Variants in PLXNB3 observed in about 807,000 individuals in gnomAD.
The protein encoded by PLXNB3 is plexin B3.
PLXNB3 carries 80 observed loss-of-function variants against 125.7 expected under a neutral mutation model. The ratio of observed to expected loss-of-function variants is 0.64; its 90% CI spans 0.53 to 0.77. PLXNB3 has a LOEUF of 0.77. PLXNB3 is among the 30% of genes least tolerant of loss of function. The pLI is 0.00. For missense variants in PLXNB3, 1,836 were observed against 1,729.3 expected (o/e 1.06, Z -1.09); for synonymous variants, 954 against 783.3 (o/e 1.22, Z -3.64).
In PLXNB3 at chrX:153,765,482, C is replaced by T. The variant is rs782109258; in HGVS notation, c.-54C>T. ...TCCCTCCCACTCAGGACAATGCCCC[C>T]CCGCAGCCATCTCATGCCCATCGCC... On this transcript the variant is annotated 5_prime_UTR_variant, in exon 2 of 36. Transcript: ENST00000361971. 796 of 1,157,011 alleles carry T rather than the reference C, an allele frequency of 6.9e-4. No individual in the cohort carries two copies. The highest frequency in any genetic ancestry group is 8.6e-4 in the Non-Finnish European group (742 of 862,642).
intron 30 of PLXNB3, 56 bp downstream of exon 30, chrX:153,777,436 C>G: frequency 2.5e-6 from 3 of 1,178,318 alleles, no homozygotes; most frequent in South Asian, 3.7e-5. Flanking sequence ...GGACCCCGAC[C>G]GAGCCAGGGT....
intron 6 of PLXNB3, among the ~76,000 whole-genome samples, 180 bp downstream of exon 6, chrX:153,769,442 C>T (rs141945308): frequency 2.2e-3 from 248 of 112,378 alleles, no homozygotes; most frequent in Non-Finnish European, 3.7e-3. Flanking sequence ...GTTGGCACCC[C>T]CCTTTTCCGA....
rs1445610868 is a variant in PLXNB3 at position 153,771,414 on chromosome X, G to C, written c.2347+11G>C. On this transcript the variant is annotated intron_variant, in intron 13 of 35. Coordinates refer to ENST00000361971, the MANE Select transcript of PLXNB3 (RefSeq NM_005393.3). ...CCCATGCTCTTTATGGTGAGCCTGA[G>C]GGCAGCCAGGCAGGCGGGGCAGGGT... is the stretch of plus-strand genomic sequence containing the variant. 1 of 1,205,372 alleles carries C rather than the reference G, an allele frequency of 8.3e-7. No individual in the cohort carries two copies. Among genetic ancestry groups the C allele is most frequent in the African/African-American group, 1.7e-5 (1 of 57,382 alleles).
At chrX:153,769,404 T>C in intron 6 of PLXNB3, 142 bp downstream of exon 6, 1 of 485,953 alleles carries the variant, frequency 2.1e-6, no homozygotes. Flanking sequence ...TCACCCATCC[T>C]GCCCCATCTC....
chrX:153,773,953 C>A lies in PLXNB3; in HGVS notation c.3374C>A (p.Thr1125Asn). 8.3e-7 allele frequency: 1 copy of A among 1,210,896 alleles called. No homozygotes were observed. The highest frequency in any genetic ancestry group is 1.1e-6 in the Non-Finnish European group (1 of 895,234). Residue 1125 changes from threonine (T) to asparagine (N), a missense_variant, in exon 20 of 36, where the codon ACC (threonine) becomes AAC (asparagine). By Grantham distance (65) the Thr-to-Asn change is moderately conservative (BLOSUM62 0). Coordinates refer to ENST00000361971, the MANE Select transcript of PLXNB3 (RefSeq NM_005393.3). ...DRAHPQRVFF[T>N]LDNVQVDFAS... Reference sequence around the variant, plus strand: ...GCCCACCCGCAGCGGGTCTTCTTCACCCTAGACAACGTGCAAGTGGACTTC... The same window carrying A: ...GCCCACCCGCAGCGGGTCTTCTTCAACCTAGACAACGTGCAAGTGGACTTC...
Position 153,775,917 on chromosome X carries a change from T to C in PLXNB3, c.4432T>C (p.Phe1478Leu), listed in dbSNP as rs781997851. Residue 1478 changes from phenylalanine (F) to leucine (L), a missense_variant, in exon 27 of 36, where the codon TTC becomes CTC. Phe to Leu is a conservative substitution (Grantham distance 22). Transcript: ENST00000361971. ...GGCTGGTGAACCACTGTACATGCTCTTCCGGGCCATCCAGTACCAGGTGGA... is the reference window on the plus strand; with the variant it reads ...GGCTGGTGAACCACTGTACATGCTCCTCCGGGCCATCCAGTACCAGGTGGA... The part of the protein sequence containing the change: ...EVAGEPLYML[F>L]RAIQYQVDKG... 8.3e-7 allele frequency: 1 copy of C among 1,210,767 alleles called. No homozygotes were observed. The highest frequency in any genetic ancestry group is 1.1e-6 in the Non-Finnish European group (1 of 895,209).
chrX:153,771,673 C>T lies in PLXNB3; in HGVS notation c.2517+18C>T, dbSNP rs781939037. ...TTGATGCAGTGAGTCTCCTGCCGGG[C>T]CCCCACAGCCCAGTGGCCCACTTCT... On this transcript the variant is annotated intron_variant, in intron 14 of 35. Coordinates refer to ENST00000361971, the MANE Select transcript of PLXNB3 (RefSeq NM_005393.3). The T allele has an allele frequency of 2.0e-5, 23 of 1,163,562 alleles. No individual in the cohort carries two copies. In the African/African-American group the frequency reaches 2.6e-4, roughly 13 times the overall value.
At position 153,779,008 on chromosome X, in the gene PLXNB3, C is replaced by T. The variant is rs782194744; in HGVS notation, c.5699C>T (p.Ala1900Val). The change falls in exon 36 of 36, where the codon GCC becomes GTC. Residue 1900 changes from alanine to valine, a missense_variant. By Grantham distance (64) the Ala-to-Val change is moderately conservative. Transcript: ENST00000361971. ...QLACRLQQVA[A>V]LVENKVTDL is the part of the protein sequence containing the mutation. ...GCCTGCCGCCTGCAGCAGGTCGCCG[C>T]CCTGGTGGAAAACAAAGTGACTGAC... The T allele has an allele frequency of 5.0e-6, 6 of 1,195,732 alleles. No homozygotes were observed. Among genetic ancestry groups the T allele is most frequent in the Admixed American group, 2.3e-5 (1 of 44,051 alleles).
At position 153,773,905 on chromosome X, in the gene PLXNB3, G is replaced by C. The variant is rs145360535; in HGVS notation, c.3326G>C (p.Arg1109Pro). The C allele has an allele frequency of 6.6e-6, 8 of 1,209,945 alleles. No individual in the cohort carries two copies. The East Asian group carries it at 1.2e-4, about 18-fold the overall frequency. Residue 1109 changes from arginine (R) to proline (P), a missense_variant, in exon 20 of 36, where the codon CGG becomes CCG. Physicochemically the swap from Arg to Pro is moderately radical, Grantham distance 103. Transcript: ENST00000361971. The part of the protein sequence containing the change: ...SVNSSSLLLC[R>P]SPAVPDRAHP... ...AACTCGTCCAGCCTCCTCCTGTGCC[G>C]GAGCCCTGCTGTACCAGACAGAGCC... is the stretch of plus-strand genomic sequence containing the variant.
rs782674181 is a variant in PLXNB3, at chrX:153,767,454, C to T, written c.627C>T (p.Ala209=). 19 of 1,191,609 alleles carry T rather than the reference C, an allele frequency of 1.6e-5. No individual in the cohort carries two copies. Among genetic ancestry groups the T allele is most frequent in the Middle Eastern group, 2.3e-4 (1 of 4,271 alleles). The part of the protein sequence containing the change: ...GVPPLAIRQL[A]GSQPFSSEGL... Reference sequence around the variant, plus strand: ...CACCCCTGGCCATCCGCCAGCTGGCCGGGTCTCAGCCCTTCTCCAGCGAGG... The same window carrying T: ...CACCCCTGGCCATCCGCCAGCTGGCTGGGTCTCAGCCCTTCTCCAGCGAGG... Residue 209 remains alanine (A), a synonymous_variant, in exon 3 of 36, where the codon GCC becomes GCT. Coordinates refer to ENST00000361971, the MANE Select transcript of PLXNB3 (RefSeq NM_005393.3).
At chrX:153,765,106 G>A (rs985766051) in intron 1 of PLXNB3, among the ~76,000 whole-genome samples, 4 of 113,225 alleles carry the variant, frequency 3.5e-5, no homozygotes, top group Non-Finnish European at 7.5e-5. Context: ...GAGCCAGGGA[G>A]GGGCATGCTT....
In PLXNB3 at chrX:153,775,696, G is replaced by C. The variant is rs782176657; in HGVS notation, c.4401+36G>C. The C allele has an allele frequency of 2.1e-4, 245 of 1,170,278 alleles. 2 individuals are homozygous for C. Among genetic ancestry groups the C allele is most frequent in the Non-Finnish European group, 9.1e-5 (78 of 861,172 alleles). On this transcript the variant is annotated intron_variant, in intron 26 of 35. Coordinates refer to ENST00000361971, the MANE Select transcript of PLXNB3 (RefSeq NM_005393.3). ...CTGTCCCGCCTGCTCCCAGCCCTGAGTGGCAGACTCCTCCCCTCTTGCCAT... is the reference window on the plus strand; with the variant it reads ...CTGTCCCGCCTGCTCCCAGCCCTGACTGGCAGACTCCTCCCCTCTTGCCAT...
chrX:153,772,711 G>A, intron 16 of PLXNB3, 175 bp from the exon 17 acceptor site: 1 of 1,028,578 alleles, frequency 9.7e-7, no homozygotes, highest in Non-Finnish European at 1.2e-6. Flanking sequence ...GTGGGTGGGA[G>A]GAAGCTGGCC....
intron 4 of PLXNB3, 76 bp from the exon 5 acceptor site, chrX:153,768,872 C>G (rs912097396): frequency 6.3e-6 from 7 of 1,116,177 alleles, no homozygotes; most frequent in South Asian, 4.2e-5. Flanking sequence ...GGAGCCCCCA[C>G]TAGGAGGAGG....
intron 2 of PLXNB3, 127 bp from the exon 3 acceptor site, chrX:153,766,746 T>C: frequency 9.4e-7 from 1 of 1,066,213 alleles, no homozygotes; most frequent in Non-Finnish European, 1.2e-6. Context: ...TCTCTCATTC[T>C]CCATCTCTCT....
At position 153,767,277 on chromosome X, in the gene PLXNB3, G is replaced by C. The variant is rs371848444; in HGVS notation, c.450G>C (p.Glu150Asp). The C allele has an allele frequency of 3.3e-6, 4 of 1,206,747 alleles. No individual in the cohort carries two copies. The highest frequency in any genetic ancestry group is 2.3e-4 in the Middle Eastern group (1 of 4,345). The change falls in exon 3 of 36, where the codon GAG (glutamate) becomes GAC (aspartate). Residue 150 changes from glutamate to aspartate, a missense_variant. Glu to Asp is a conservative substitution (Grantham distance 45). Coordinates refer to ENST00000361971, the MANE Select transcript of PLXNB3 (RefSeq NM_005393.3). ...CACGGCGCCTTGGGGATGTGGCCGA[G>C]GTGCTGTACCAGGCTGAGGACCCTG... Reference protein sequence around the residue: ...CETRRLGDVAEVLYQAEDPGD... With the variant: ...CETRRLGDVADVLYQAEDPGD...
Position 153,771,087 on chromosome X carries a change from T to G in PLXNB3, c.2253+6T>G. ...TCCACTGCCAGGCCCACCAGGTGAGTGGCTGCCTTCCAAACCCTCTTGCCC... is the reference window on the plus strand; with the variant it reads ...TCCACTGCCAGGCCCACCAGGTGAGGGGCTGCCTTCCAAACCCTCTTGCCC... On this transcript the variant is annotated splice_donor_region_variant and intron_variant, in intron 12 of 35. Transcript: ENST00000361971. 1 of 1,186,475 alleles carries G rather than the reference T, an allele frequency of 8.4e-7. No individual in the cohort carries two copies. Among genetic ancestry groups the G allele is most frequent in the Non-Finnish European group, 1.1e-6 (1 of 875,103 alleles).
Position 153,773,499 on chromosome X carries a change from G to T in PLXNB3, c.3084-19G>T. ...TGTTGCCCACCGCCCGCCCACACCC[G>T]ACTGCCATCCTGGTACAGGGGTGGG... On this transcript the variant is annotated intron_variant, in intron 18 of 35. Coordinates refer to ENST00000361971, the MANE Select transcript of PLXNB3 (RefSeq NM_005393.3). 8.4e-7 allele frequency: 1 copy of T among 1,187,859 alleles called. No individual in the cohort carries two copies.
chrX:153,772,134 C>G, intron 15 of PLXNB3, 48 bp from the exon 16 acceptor site: 1 of 1,103,518 alleles, frequency 9.1e-7, no homozygotes, highest in Non-Finnish European at 1.2e-6. Context: ...GGTGGGCTGT[C>G]CCCTCCGTCC....
Sources: allele counts gnomAD v4.1 joint callset (sites outside exome capture counted in the v4.1 genomes callset), GRCh38; gene constraint gnomAD v4.1.1; transcripts MANE v1.5; gene names NCBI Gene and HGNC (gene_info 2026-07-23, HGNC 2026-07-21).